The following FGF13 variants were observed in gnomAD, a reference collection of about 807,000 sequenced individuals.
FGF13 encodes the protein fibroblast growth factor homologous factor 2.
FGF13 carries 2 observed loss-of-function variants against 19.5 expected under a neutral mutation model. That is an observed-to-expected ratio of 0.10 (90% CI 0.04 to 0.32). The LOEUF is 0.32. FGF13 is among the 10% of genes least tolerant of loss of function. FGF13 has a pLI of 1.00. For missense variants in FGF13, 113 were observed against 192.7 expected, an observed-to-expected ratio of 0.59 and a Z score of 2.45; for synonymous variants, 72 against 76.9, an observed-to-expected ratio of 0.94 and a Z score of 0.33.
intron 3 of FGF13, among the ~76,000 whole-genome samples, chrX:138,780,165 C>A (rs1449930799): frequency 9.1e-6 from 1 of 109,699 alleles, no homozygotes; most frequent in Non-Finnish European, 1.9e-5. Flanking sequence ...CTGAAGGAAG[C>A]ACTAAACATG....
intron 3 of FGF13, among the ~76,000 whole-genome samples, chrX:138,755,450 C>T (rs977380222): frequency 1.1e-4 from 12 of 112,455 alleles, no homozygotes; most frequent in African/African-American, 3.9e-4. Context: ...CATGTCTAAA[C>T]TTATAATAAG....
chrX:138,847,819 A>G (rs1408565524), intron 3 of FGF13, among the ~76,000 whole-genome samples: 2 of 111,955 alleles, frequency 1.8e-5, no homozygotes, highest in Middle Eastern at 8.4e-3. Context: ...AGCCGATTAC[A>G]TTTAGATGAT....
chrX:139,118,134 T>C (rs2083652163), intron 1 of FGF13, among the ~76,000 whole-genome samples: 1 of 111,459 alleles, frequency 9.0e-6, no homozygotes, highest in Admixed American at 9.5e-5. Context: ...GAGAGAACAC[T>C]TCATAGAAAA....
intron 1 of FGF13, among the ~76,000 whole-genome samples, chrX:138,975,123 T>C (rs1416390439): frequency 6.2e-5 from 7 of 112,871 alleles, no homozygotes; most frequent in Non-Finnish European, 1.1e-4. Flanking sequence ...CCTTGGCTGA[T>C]TTTTCAATGG....
intron 3 of FGF13, among the ~76,000 whole-genome samples, chrX:138,825,630 G>A (rs1267142523): frequency 1.4e-4 from 16 of 111,671 alleles, no homozygotes; most frequent in Non-Finnish European, 2.8e-4. Context: ...TACAAGCTGT[G>A]TGACCTCAGG....
At chrX:138,857,943 C>T (rs189650803) in intron 2 of FGF13, among the ~76,000 whole-genome samples, 2 of 112,182 alleles carry the variant, frequency 1.8e-5, no homozygotes, top group African/African-American at 6.5e-5. Context: ...AGTGCAAAAA[C>T]GTATTTTAAT....
At chrX:138,730,094 A>C (rs1420192786) in intron 1 of FGF13, among the ~76,000 whole-genome samples, 1 of 111,800 alleles carries the variant, frequency 8.9e-6, no homozygotes, top group African/African-American at 3.2e-5. Context: ...CCAATTCTGC[A>C]GGAAGAAATG....
intron 1 of FGF13, among the ~76,000 whole-genome samples, chrX:138,929,854 C>CTGTGTGTGTGTG (rs577806507): frequency 1.0e-5 from 1 of 96,275 alleles, no homozygotes; most frequent in African/African-American, 4.1e-5. Context: ...ACTGCCTTAG[C>CTGTGTGTGTGTG]TGTGTGTGTG....
At chrX:139,123,903 T>C (rs1471413644) in intron 1 of FGF13, among the ~76,000 whole-genome samples, 2 of 112,511 alleles carry the variant, frequency 1.8e-5, no homozygotes, top group Non-Finnish European at 3.8e-5. Context: ...ACTCTACTCT[T>C]GTAGATAAGG....
intron 1 of FGF13, among the ~76,000 whole-genome samples, chrX:139,035,410 G>T (rs980878622): frequency 9.0e-6 from 1 of 111,513 alleles, no homozygotes; most frequent in African/African-American, 3.3e-5. Context: ...AAGTTCCTGA[G>T]AGTGGGGCCA....
chrX:138,729,680 G>C (rs2090213435), intron 1 of FGF13, among the ~76,000 whole-genome samples: 1 of 108,047 alleles, frequency 9.3e-6, no homozygotes, highest in Non-Finnish European at 1.9e-5. Flanking sequence ...TATCAAATAA[G>C]CCTAATAAAA....
chrX:138,653,971 A>C (rs924725038), intron 3 of FGF13, among the ~76,000 whole-genome samples: 2 of 111,680 alleles, frequency 1.8e-5, no homozygotes, highest in African/African-American at 3.3e-5. Context: ...TGTGCTGTAC[A>C]CTCTTGTTCT....
chrX:138,857,762 G>A (rs755439512), intron 2 of FGF13: 2 of 814,830 alleles, frequency 2.5e-6, no homozygotes, highest in African/African-American at 2.1e-5. Flanking sequence ...TACTCCCAGG[G>A]AAGACTAAAG....
At chrX:138,882,418 T>G (rs1329491557) in intron 1 of FGF13, among the ~76,000 whole-genome samples, 1 of 112,039 alleles carries the variant, frequency 8.9e-6, no homozygotes, top group Non-Finnish European at 1.9e-5. Flanking sequence ...TGATTCTATT[T>G]AACAGTCATT....
intron 3 of FGF13, among the ~76,000 whole-genome samples, chrX:138,768,731 TATATATG>T (rs2090522497): frequency 3.0e-5 from 3 of 100,674 alleles, no homozygotes; most frequent in African/African-American, 1.1e-4. Flanking sequence ...ATATATTATA[TATATATG>T]ATATATATAT....
chrX:139,068,692 GGTC>G (rs2092365654), intron 1 of FGF13, among the ~76,000 whole-genome samples: 1 of 107,896 alleles, frequency 9.3e-6, no homozygotes, highest in African/African-American at 3.4e-5. Context: ...TCCTTGAAGA[GGTC>G]CTTCACATCC....
intron 1 of FGF13, among the ~76,000 whole-genome samples, chrX:139,014,351 C>T (rs766588161): frequency 3.6e-5 from 4 of 110,914 alleles, no homozygotes; most frequent in Non-Finnish European, 7.6e-5. Flanking sequence ...ACAAAACTGA[C>T]AAACCTTTAG....
At chrX:138,648,461 T>C (rs189706138) in intron 3 of FGF13, among the ~76,000 whole-genome samples, 349 of 110,856 alleles carry the variant, frequency 3.1e-3, no homozygotes, top group African/African-American at 0.011. Context: ...AAGTCCAGGA[T>C]GAAAAGTAGG....
chrX:138,902,896 A>G (rs1360138187), intron 1 of FGF13, among the ~76,000 whole-genome samples: 3 of 111,720 alleles, frequency 2.7e-5, no homozygotes, highest in African/African-American at 9.8e-5. Context: ...CTTAGTTTTA[A>G]ATAAAGATCA....
Sources: gnomAD v4.1 joint callset for allele counts (sites outside exome capture counted in the v4.1 genomes callset) on GRCh38, gnomAD v4.1.1 for gene constraint, MANE v1.5 for transcripts, NCBI Gene and HGNC (gene_info 2026-07-23, HGNC 2026-07-21) for gene names.